The following USH2A variants were observed in gnomAD, a reference collection of about 807,000 sequenced individuals.
The protein encoded by USH2A is Usher syndrome 2A (autosomal recessive, mild).
Under a neutral mutation model 538.9 loss-of-function variants are expected in USH2A, and 443 were observed. The observed-to-expected ratio is 0.82, with a 90% CI of 0.76 to 0.89. USH2A has a LOEUF of 0.89. USH2A is among the 40% of genes least tolerant of loss of function. The probability of loss-of-function intolerance (pLI) is 0.00; values close to 1 mark genes in which losing one functional copy is unlikely to be tolerated. For synonymous variants in USH2A, 2,413 were observed against 2,273.5 expected (o/e 1.06, Z -1.75); for missense variants, 6,633 against 6,324.8 (o/e 1.05, Z -1.65).
intron 3 of USH2A, among the ~76,000 whole-genome samples, chr1:216,366,811 A>G (rs1177692040): frequency 6.6e-6 from 1 of 152,180 alleles, no homozygotes; most frequent in African/African-American, 2.4e-5. Flanking sequence ...TCATATACCA[A>G]GTCCTCAAGG....
Position 215,965,495 on chromosome 1 carries a change from GATTTA to G in USH2A, c.6958-21_6958-17del. On this transcript the variant is annotated splice_polypyrimidine_tract_variant and intron_variant, in intron 36 of 71. Transcript: ENST00000307340. ...GATTTTCCACCTGTGAGTATAAAAA[GATTTA>G]TTTTTGTTTGCAAATAAAATAAGTA... is the stretch of plus-strand genomic sequence containing the variant. 1 of 1,612,860 alleles carries G rather than the reference GATTTA, an allele frequency of 6.2e-7. No homozygotes were observed. Among genetic ancestry groups the G allele is most frequent in the South Asian group, 1.1e-5 (1 of 90,986 alleles).
At chr1:216,202,774 A>G (rs191145690) in intron 16 of USH2A, among the ~76,000 whole-genome samples, 30 of 152,142 alleles carry the variant, frequency 2.0e-4, no homozygotes, top group African/African-American at 6.8e-4. Context: ...CGCTTCCTCA[A>G]CTACAGTATC....
chr1:215,713,270 C>T (rs1205612675), intron 61 of USH2A, among the ~76,000 whole-genome samples: 3 of 152,260 alleles, frequency 2.0e-5, no homozygotes, highest in South Asian at 2.1e-4. Flanking sequence ...TCAGTTCCTG[C>T]GACTCTAAGA....
At chr1:215,705,044 TGCTA>T (rs1432589185) in intron 61 of USH2A, among the ~76,000 whole-genome samples, 2 of 152,242 alleles carry the variant, frequency 1.3e-5, no homozygotes, top group African/African-American at 2.4e-5. Flanking sequence ...ATTGGCAATA[TGCTA>T]GCTGTTTTAA....
At chr1:215,717,011 C>G (rs571681286) in intron 61 of USH2A, among the ~76,000 whole-genome samples, 1 of 152,138 alleles carries the variant, frequency 6.6e-6, no homozygotes, top group African/African-American at 2.4e-5. Context: ...ACATTACTTT[C>G]CAGTGGGCAA....
At chr1:216,329,694 G>A (rs2037816194) in intron 4 of USH2A, among the ~76,000 whole-genome samples, 1 of 151,892 alleles carries the variant, frequency 6.6e-6, no homozygotes, top group Admixed American at 6.6e-5. Context: ...TTTTGCCTCT[G>A]CTTCCAATTT....
At chr1:215,658,493 G>C (rs972222576) in intron 64 of USH2A, among the ~76,000 whole-genome samples, 3 of 152,184 alleles carry the variant, frequency 2.0e-5, no homozygotes, top group Non-Finnish European at 2.9e-5. Context: ...AACTTGGTAA[G>C]TGGTAAGGCT....
chr1:215,927,527 T>C (rs576152980), intron 38 of USH2A, among the ~76,000 whole-genome samples: 1 of 152,248 alleles, frequency 6.6e-6, no homozygotes, highest in East Asian at 1.9e-4. Context: ...TTTTTGGATG[T>C]TCTGTTTTAA....
At chr1:216,336,428 A>C (rs549606877) in intron 4 of USH2A, among the ~76,000 whole-genome samples, 133 of 151,284 alleles carry the variant, frequency 8.8e-4, no homozygotes, top group African/African-American at 3.1e-3. Flanking sequence ...AGAAGAAATA[A>C]ATCTTTCCAT....
chr1:216,231,274 T>C (rs1410311725), intron 14 of USH2A, among the ~76,000 whole-genome samples: 1 of 117,446 alleles, frequency 8.5e-6, no homozygotes. Flanking sequence ...ATATATATAA[T>C]ATATATACAC....
At chr1:215,741,812 C>T (rs1212845099) in intron 59 of USH2A, among the ~76,000 whole-genome samples, 1 of 152,090 alleles carries the variant, frequency 6.6e-6, no homozygotes, top group Non-Finnish European at 1.5e-5. Flanking sequence ...CTTGTCTGAA[C>T]TCAAGTTTCT....
chr1:216,243,788 T>A (rs2035980493), intron 13 of USH2A, among the ~76,000 whole-genome samples: 1 of 150,690 alleles, frequency 6.6e-6, no homozygotes, highest in African/African-American at 2.5e-5. Flanking sequence ...CGCTGTTGAA[T>A]TTTTTCAGTA....
rs1450991430 is a variant in USH2A at position 216,327,482 on chromosome 1, C to A, written c.848+109G>T. On this transcript the variant is annotated intron_variant, in intron 5 of 71. Transcript: ENST00000307340. ...TAAACATTAATTAGGTGAAGTTTGC[C>A]AAATGGTATAAAGATAAAAAATGGT... 3.7e-6 allele frequency: 5 copies of A among 1,340,882 alleles called. No individual in the cohort carries two copies. In the East Asian group the frequency reaches 1.2e-4, roughly 32 times the overall value. 83.1% of individuals were successfully genotyped at this position (1,340,882 alleles called of 1,614,324 possible).
intron 35 of USH2A, among the ~76,000 whole-genome samples, chr1:215,985,683 A>G (rs1181343680): frequency 1.3e-5 from 2 of 152,126 alleles, no homozygotes; most frequent in Non-Finnish European, 2.9e-5. Flanking sequence ...TAGAATATTT[A>G]ATTTGTATTT....
chr1:215,686,519 T>C (rs1658427778), intron 61 of USH2A, among the ~76,000 whole-genome samples: 2 of 152,046 alleles, frequency 1.3e-5, no homozygotes, highest in Admixed American at 1.3e-4. Flanking sequence ...GGAAAGGGGA[T>C]TGTGATAAGA....
At chr1:216,217,579 G>C in intron 14 of USH2A, 29 bp from the exon 15 acceptor site, 3 of 1,610,706 alleles carry the variant, frequency 1.9e-6, no homozygotes, top group Non-Finnish European at 2.5e-6. Context: ...AACCATCAAA[G>C]AGAATAGTGT....
intron 14 of USH2A, among the ~76,000 whole-genome samples, chr1:216,230,183 A>G (rs2035648709): frequency 6.6e-6 from 1 of 152,184 alleles, no homozygotes; most frequent in Non-Finnish European, 1.5e-5. Flanking sequence ...TGAAAAAGAC[A>G]GAGGTGGCCA....
chr1:216,040,052 C>T (rs1407342189), intron 32 of USH2A, among the ~76,000 whole-genome samples: 7 of 17,592 alleles, frequency 4.0e-4, no homozygotes, highest in South Asian at 3.4e-3. Context: ...CTCAATTACA[C>T]ACACACACAC....
chr1:216,259,846 A>G (rs1316729993), intron 11 of USH2A, among the ~76,000 whole-genome samples: 1 of 152,084 alleles, frequency 6.6e-6, no homozygotes, highest in African/African-American at 2.4e-5. Flanking sequence ...TAAAACCCAT[A>G]ATTTTAATGA....
Sources: allele counts gnomAD v4.1 joint callset (sites outside exome capture counted in the v4.1 genomes callset), GRCh38; gene constraint gnomAD v4.1.1; transcripts MANE v1.5; gene names NCBI Gene and HGNC (gene_info 2026-07-23, HGNC 2026-07-21).